Variants in OR2L13 observed in about 807,000 individuals in gnomAD.
OR2L13 encodes the protein olfactory receptor 2L13.
In OR2L13, 14 loss-of-function variants were observed where a neutral mutation model predicts 15.3. That is an observed-to-expected ratio of 0.91 (90% confidence interval 0.60 to 1.43). The LOEUF (loss-of-function observed/expected upper bound fraction) is 1.43, where lower values mean the gene tolerates loss of function less well. OR2L13 is among the 40% of genes most tolerant of loss of function. The pLI is 0.00. For synonymous variants in OR2L13, 152 were observed against 142.9 expected, an observed-to-expected ratio of 1.06 and a Z score of -0.45; for missense variants, 367 against 387.9, an observed-to-expected ratio of 0.95 and a Z score of 0.45.
the OR2L13 span, among the ~76,000 whole-genome samples, chr1:247,986,745 C>G: frequency 6.6e-6 from 1 of 152,158 alleles, no homozygotes. Flanking sequence ...TACCCATGAG[C>G]ATGGAATGTT....
At chr1:248,074,214 C>T in the OR2L13 span, among the ~76,000 whole-genome samples, 2 of 152,000 alleles carry the variant, frequency 1.3e-5, no homozygotes, top group African/African-American at 2.4e-5. Flanking sequence ...CAGTAAGCAT[C>T]TTAGAAGGTG....
chr1:247,965,113 T>G, the OR2L13 span: 1 of 339,860 alleles, frequency 2.9e-6, no homozygotes, highest in Non-Finnish European at 5.3e-6. Context: ...TTATCTCATG[T>G]ATGTTTGCAT....
chr1:248,048,647 T>C, the OR2L13 span, among the ~76,000 whole-genome samples: 78 of 152,292 alleles, frequency 5.1e-4, no homozygotes, highest in Middle Eastern at 3.4e-3. Flanking sequence ...TTCTCAGCTT[T>C]TGCAGTGAAA....
chr1:248,022,699 A>G, the OR2L13 span: 1 of 1,614,108 alleles, frequency 6.2e-7, no homozygotes, highest in Non-Finnish European at 8.5e-7. Flanking sequence ...ACTTTCTACT[A>G]TGCACCCTTT....
At chr1:247,990,483 A>G in the OR2L13 span, 2 of 1,575,900 alleles carry the variant, frequency 1.3e-6, no homozygotes, top group Admixed American at 3.3e-5. Flanking sequence ...CCTAAATTAT[A>G]TTTCCACCAT....
At chr1:247,975,875 T>C in the OR2L13 span, among the ~76,000 whole-genome samples, 48 of 152,302 alleles carry the variant, frequency 3.2e-4, no homozygotes, top group African/African-American at 1.0e-3. Context: ...AGATCATTTA[T>C]TTTCCACTAA....
chr1:248,071,213 T>G, the OR2L13 span, among the ~76,000 whole-genome samples: 2 of 152,180 alleles, frequency 1.3e-5, no homozygotes, highest in Non-Finnish European at 2.9e-5. Flanking sequence ...TGAACATTGA[T>G]GCAAAAATCC....
At chr1:248,058,175 A>G in the OR2L13 span, among the ~76,000 whole-genome samples, 1 of 152,222 alleles carries the variant, frequency 6.6e-6, no homozygotes, top group African/African-American at 2.4e-5. Flanking sequence ...GTCTCAGCAG[A>G]CCACAGGGTA....
chr1:247,997,615 ATAAC>A, the OR2L13 span, among the ~76,000 whole-genome samples: 50 of 152,312 alleles, frequency 3.3e-4, no homozygotes, highest in African/African-American at 1.1e-3. Flanking sequence ...GGATGCCTGA[ATAAC>A]AACATTCAAG....
chr1:247,976,458 CT>C, the OR2L13 span, among the ~76,000 whole-genome samples: 1 of 149,494 alleles, frequency 6.7e-6, no homozygotes, highest in African/African-American at 2.4e-5. Flanking sequence ...AAAACTTATA[CT>C]GTATTATATA....
chr1:247,951,493 T>G, the OR2L13 span, among the ~76,000 whole-genome samples: 1 of 152,244 alleles, frequency 6.6e-6, no homozygotes, highest in Non-Finnish European at 1.5e-5. Flanking sequence ...CTTCTATGAC[T>G]AAAGTTAACA....
chr1:248,056,566 T>C, the OR2L13 span, among the ~76,000 whole-genome samples: 1 of 152,164 alleles, frequency 6.6e-6, no homozygotes, highest in Admixed American at 6.5e-5. Context: ...TTGCTTTCTT[T>C]GGTCTTAAAG....
At chr1:248,057,191 C>G in the OR2L13 span, among the ~76,000 whole-genome samples, 1 of 152,074 alleles carries the variant, frequency 6.6e-6, no homozygotes, top group Non-Finnish European at 1.5e-5. Flanking sequence ...TCCTGAATAT[C>G]TTTGTTAATT....
At chr1:247,991,313 A>ACCCCG in the OR2L13 span, 2 of 677,504 alleles carry the variant, frequency 3.0e-6, no homozygotes, top group South Asian at 4.4e-5. Context: ...ACGGAAATTA[A>ACCCCG]TCTAAAAGAT....
the OR2L13 span, chr1:248,061,303 T>A: frequency 6.2e-7 from 1 of 1,613,018 alleles, no homozygotes; most frequent in Non-Finnish European, 8.5e-7. Context: ...CTTTCTCGTG[T>A]TTCCCTTCAT....
the OR2L13 span, among the ~76,000 whole-genome samples, chr1:248,035,052 T>C: frequency 1.4e-5 from 2 of 141,814 alleles, no homozygotes; most frequent in African/African-American, 5.6e-5. Flanking sequence ...ATCTTTCCCT[T>C]TTTTTTTTTT....
the OR2L13 span, among the ~76,000 whole-genome samples, chr1:247,954,958 A>ATT: frequency 6.6e-5 from 10 of 151,288 alleles, no homozygotes; most frequent in Non-Finnish European, 1.3e-4. Context: ...ATATATATAT[A>ATT]TATTTTTACT....
upstream of OR2L13, among the ~76,000 whole-genome samples, chr1:248,094,837 T>C (rs1215388852): frequency 1.3e-5 from 2 of 152,224 alleles, no homozygotes; most frequent in Non-Finnish European, 2.9e-5. Flanking sequence ...TACTTGTAAG[T>C]GGTTCCTGCA....
the OR2L13 span, among the ~76,000 whole-genome samples, chr1:248,009,242 G>A: frequency 2.0e-5 from 3 of 151,990 alleles, no homozygotes; most frequent in East Asian, 1.9e-4. Context: ...CCAGGAGCTG[G>A]TTTTTTGAAA....
Sources: allele counts gnomAD v4.1 joint callset (sites outside exome capture counted in the v4.1 genomes callset), GRCh38; gene constraint gnomAD v4.1.1; transcripts MANE v1.5; gene names NCBI Gene and HGNC (gene_info 2026-07-23, HGNC 2026-07-21).